The following SDK1 variants were observed in gnomAD, a reference collection of about 807,000 sequenced individuals.
SDK1 encodes protein sidekick-1.
SDK1 carries 157 observed loss-of-function variants against 245.5 expected under a neutral mutation model. The ratio of observed to expected loss-of-function variants is 0.64; its 90% CI spans 0.56 to 0.73. SDK1 has a LOEUF of 0.73. Ranked by LOEUF, SDK1 falls within the 30% of genes least tolerant of loss-of-function variation. The pLI, the probability that SDK1 is intolerant of heterozygous loss-of-function variation, is 0.00. For synonymous variants in SDK1, 1,647 were observed against 1,278.5 expected (o/e 1.29, Z -6.15); for missense variants, 3,583 against 3,002.3 (o/e 1.19, Z -4.52).
At chr7:3,567,861 C>T (rs979089472) in intron 1 of SDK1, among the ~76,000 whole-genome samples, 1 of 152,140 alleles carries the variant, frequency 6.6e-6, no homozygotes, top group African/African-American at 2.4e-5. Flanking sequence ...GCATAGGCTG[C>T]AGTGCAGTGG....
At chr7:4,228,320 TAGAC>T (rs3038665) in intron 40 of SDK1, among the ~76,000 whole-genome samples, 46,059 of 151,910 alleles carry the variant, frequency 0.3, 7,209 homozygotes, top group African/African-American at 0.33. Flanking sequence ...CCAAGCACGA[TAGAC>T]AGGTGTGATT....
intron 19 of SDK1, among the ~76,000 whole-genome samples, chr7:4,062,731 A>G (rs1014215609): frequency 2.0e-5 from 3 of 152,210 alleles, no homozygotes; most frequent in African/African-American, 7.2e-5. Flanking sequence ...ACTGAATCCA[A>G]CAGCACGTCA....
At chr7:3,693,214 C>A (rs140713034) in intron 4 of SDK1, among the ~76,000 whole-genome samples, 1 of 151,984 alleles carries the variant, frequency 6.6e-6, no homozygotes, top group Non-Finnish European at 1.5e-5. Flanking sequence ...TATATAAACA[C>A]CAAATTTTTT....
intron 1 of SDK1, among the ~76,000 whole-genome samples, chr7:3,563,394 TAAAAG>T (rs1779810916): frequency 6.6e-6 from 1 of 151,562 alleles, no homozygotes; most frequent in South Asian, 2.1e-4. Context: ...AAGTTGGAAA[TAAAAG>T]GATGGAAGAG....
chr7:4,268,851 G>C lies in SDK1; in HGVS notation c.*3467G>C. 1.1e-5 allele frequency: 9 copies of C among 811,106 alleles called. No individual in the cohort carries two copies. The highest frequency in any genetic ancestry group is 1.8e-5 in the African/African-American group (1 of 56,252). The allele number at this position is 811,106 out of a possible 1,614,324, so 50.2% of individuals were successfully genotyped here. A position where few individuals can be genotyped will look rare whatever the true frequency, so the allele number is the denominator to read the frequency against. ...CCCGCGTCACCTTCTGGTTTAGGGAGCCGTCAGGTCCCTAAACGTTCCCTA... is the reference window on the plus strand; with the variant it reads ...CCCGCGTCACCTTCTGGTTTAGGGACCCGTCAGGTCCCTAAACGTTCCCTA... On this transcript the variant is annotated 3_prime_UTR_variant, in exon 45 of 45. Coordinates refer to ENST00000404826, the MANE Select transcript of SDK1 (RefSeq NM_152744.4).
chr7:3,598,553 C>T (rs1237377299), intron 1 of SDK1, among the ~76,000 whole-genome samples: 1 of 152,292 alleles, frequency 6.6e-6, no homozygotes, highest in East Asian at 1.9e-4. Context: ...CAGTCAAGAC[C>T]AGAATATTTC....
intron 44 of SDK1, 72 bp from the exon 45 acceptor site, chr7:4,265,052 G>A (rs1788371107): frequency 1.3e-6 from 2 of 1,554,548 alleles, no homozygotes; most frequent in Non-Finnish European, 1.7e-6. Flanking sequence ...CCCACCGCCA[G>A]GCCTCCTGCC....
At chr7:3,701,935 AAAAAAAAAAAG>A (rs1217665600) in intron 4 of SDK1, among the ~76,000 whole-genome samples, 2 of 147,376 alleles carry the variant, frequency 1.4e-5, no homozygotes, top group Non-Finnish European at 3.1e-5. Context: ...AAAAAAAAAA[AAAAAAAAAAAG>A]AAAAAAGAAA....
chr7:4,072,731 C>T (rs1242969654), intron 20 of SDK1, among the ~76,000 whole-genome samples: 1 of 152,236 alleles, frequency 6.6e-6, no homozygotes, highest in Non-Finnish European at 1.5e-5. Context: ...AAGGCAGCTG[C>T]AGGAGCCCAG....
intron 1 of SDK1, among the ~76,000 whole-genome samples, chr7:3,546,594 C>T (rs950866940): frequency 2.6e-5 from 4 of 152,170 alleles, no homozygotes; most frequent in African/African-American, 7.2e-5. Context: ...ATGCCAAGCA[C>T]CAAAATGAGT....
intron 1 of SDK1, among the ~76,000 whole-genome samples, chr7:3,332,601 T>G (rs1045209621): frequency 4.6e-5 from 7 of 152,140 alleles, no homozygotes; most frequent in Non-Finnish European, 8.8e-5. Flanking sequence ...GGCCTGCCAT[T>G]TATTTTAGAA....
chr7:3,924,026 A>G (rs1237579812), intron 5 of SDK1, among the ~76,000 whole-genome samples: 1 of 151,494 alleles, frequency 6.6e-6, no homozygotes, highest in Admixed American at 6.6e-5. Context: ...TTCTTTGGAT[A>G]TTTCTATAGA....
At chr7:4,210,284 G>A (rs566305996) in intron 38 of SDK1, 122 bp downstream of exon 38, 48 of 1,075,878 alleles carry the variant, frequency 4.5e-5, no homozygotes, top group Non-Finnish European at 1.7e-5. Flanking sequence ...CGCCTGAAGT[G>A]GGGGGTTTTG....
chr7:4,077,613 T>C (rs1176444280), intron 21 of SDK1, among the ~76,000 whole-genome samples: 3 of 152,196 alleles, frequency 2.0e-5, no homozygotes, highest in Non-Finnish European at 1.5e-5. Context: ...TCCGTATGGT[T>C]GGGGAGGCCT....
At chr7:3,597,537 G>A (rs1399281130) in intron 1 of SDK1, among the ~76,000 whole-genome samples, 3 of 152,146 alleles carry the variant, frequency 2.0e-5, no homozygotes, top group African/African-American at 7.2e-5. Context: ...GAAAGTGTTA[G>A]AGAGAACTTC....
At chr7:3,754,746 GATGA>G (rs1779869821) in intron 4 of SDK1, among the ~76,000 whole-genome samples, 1 of 152,160 alleles carries the variant, frequency 6.6e-6, no homozygotes, top group Non-Finnish European at 1.5e-5. Context: ...ATTCAGACAT[GATGA>G]AAGAAAGTCT....
intron 14 of SDK1, among the ~76,000 whole-genome samples, chr7:3,987,819 G>A (rs934883090): frequency 2.0e-5 from 3 of 152,002 alleles, no homozygotes; most frequent in South Asian, 2.1e-4. Context: ...TGCTCCTTCC[G>A]TGGGCCACTC....
intron 1 of SDK1, among the ~76,000 whole-genome samples, chr7:3,519,814 C>T (rs543892058): frequency 2.0e-5 from 3 of 152,154 alleles, no homozygotes; most frequent in South Asian, 2.1e-4. Flanking sequence ...GTCTAGCCTT[C>T]TGTAATGCTA....
rs368155623 is a variant in SDK1 at position 3,303,961 on chromosome 7, T to G, written c.298+2077T>G. Reference sequence around the variant, plus strand: ...ATAGTTACCACTACGTTGGAGCGCCTCCTAAGTACCATATTATTACATTGT... The same window carrying G: ...ATAGTTACCACTACGTTGGAGCGCCGCCTAAGTACCATATTATTACATTGT... On this transcript the variant is annotated intron_variant, in intron 1 of 44. Transcript: ENST00000404826. Among the ~76,000 whole-genome samples the G allele has an allele frequency of 3.9e-5, 6 of 152,290 alleles. No homozygotes were observed. In the South Asian group the frequency reaches 6.2e-4, roughly 16 times the overall value.
Sources: allele counts gnomAD v4.1 joint callset (sites outside exome capture counted in the v4.1 genomes callset), GRCh38; gene constraint gnomAD v4.1.1; transcripts MANE v1.5; gene names NCBI Gene and HGNC (gene_info 2026-07-23, HGNC 2026-07-21).